Variants in IGF2R observed in about 807,000 individuals in gnomAD.
IGF2R encodes insulin like growth factor 2 receptor.
A neutral mutation model predicts 270.6 loss-of-function variants in IGF2R; 91 were observed. The observed-to-expected ratio is 0.34, with a 90% CI of 0.28 to 0.40. The LOEUF (loss-of-function observed/expected upper bound fraction) is 0.40, where lower values mean the gene tolerates loss of function less well. IGF2R is among the 10% of genes least tolerant of loss of function. IGF2R has a pLI of 1.00. For missense variants in IGF2R, 2,805 were observed against 3,188.3 expected (o/e 0.88, Z 2.90); for synonymous variants, 1,316 against 1,258.9 (o/e 1.05, Z -0.96).
intron 4 of IGF2R, among the ~76,000 whole-genome samples, chr6:160,023,410 C>G (rs1583265352): frequency 6.6e-6 from 1 of 152,156 alleles, no homozygotes; most frequent in Middle Eastern, 3.4e-3. Flanking sequence ...AAATCAAAGG[C>G]TCATTTTAAA....
chr6:160,029,445 C>A, intron 6 of IGF2R, 105 bp from the exon 7 acceptor site: 1 of 641,380 alleles, frequency 1.6e-6, no homozygotes, highest in South Asian at 1.8e-5. Flanking sequence ...CTTCTGTTAC[C>A]CTCTCCTCCC....
intron 2 of IGF2R, among the ~76,000 whole-genome samples, chr6:160,001,754 A>G (rs748925183): frequency 6.6e-6 from 1 of 152,260 alleles, no homozygotes; most frequent in African/African-American, 2.4e-5. Flanking sequence ...TAGGCAAACA[A>G]TATTACATAT....
At chr6:159,999,734 T>C (rs1784100897) in intron 2 of IGF2R, among the ~76,000 whole-genome samples, 1 of 152,214 alleles carries the variant, frequency 6.6e-6, no homozygotes, top group South Asian at 2.1e-4. Context: ...AAATTGGGTG[T>C]AAGTAGCTAT....
chr6:159,978,330 T>G (rs1440018600), intron 1 of IGF2R, among the ~76,000 whole-genome samples: 2 of 152,136 alleles, frequency 1.3e-5, no homozygotes, highest in Non-Finnish European at 2.9e-5. Context: ...AATGAGGAGC[T>G]TGATAATTCG....
rs151070125 is a variant in IGF2R, at chr6:160,063,431, G to A, written c.3687G>A (p.Val1229=). 4.8e-4 allele frequency: 770 copies of A among 1,612,378 alleles called. No homozygotes were observed. The highest frequency in any genetic ancestry group is 6.1e-4 in the Non-Finnish European group (722 of 1,179,898). The part of the protein sequence containing the change: ...VVRVEGDNCE[V]KDPRHGNLYD... ...TTCTTGAAGGGGACAACTGTGAGGTGAAAGACCCAAGGCATGGCAACTTGT... is the reference window on the plus strand; with the variant it reads ...TTCTTGAAGGGGACAACTGTGAGGTAAAAGACCCAAGGCATGGCAACTTGT... The change falls in exon 27 of 48, where the codon GTG becomes GTA. Residue 1229 remains valine, a synonymous_variant. Coordinates refer to ENST00000356956, the MANE Select transcript of IGF2R (RefSeq NM_000876.4).
rs1465567643 is a variant in IGF2R, at chr6:160,085,039, G to C, written c.6113G>C (p.Gly2038Ala). The C allele has an allele frequency of 1.2e-6, 2 of 1,614,052 alleles. No individual in the cohort carries two copies. The highest frequency in any genetic ancestry group is 3.3e-5 in the Admixed American group (2 of 60,028). ...CAGAAAATATATAAAGGGCCCCTGG[G>C]CTGCTCTGAAAGGGCCAGCATTTGC... ...LCQKIYKGPL[G>A]CSERASICRR... Residue 2038 changes from glycine to alanine, a missense_variant, in exon 41 of 48, where the codon GGC (glycine) becomes GCC (alanine). By Grantham distance (60) the Gly-to-Ala change is moderately conservative. This residue lies in a region of IGF2R where 1,851 missense variants were observed against 2,207.2 expected (regional missense o/e 0.84). Transcript: ENST00000356956.
At position 160,010,695 on chromosome 6, in the gene IGF2R, T is replaced by A. The variant is rs752512454; in HGVS notation, c.423T>A (p.Pro141=). The stretch of plus-strand genomic sequence containing the variant: ...CTATTTTTTTTTAATAGGGAACTCC[T>A]GAATTTGTAACTGCAACAGAATGTG... ...AFLCGKTLGT[P]EFVTATECVH... is the part of the protein sequence containing the mutation. The change falls in exon 4 of 48, where the codon CCT becomes CCA. Residue 141 remains proline (P), a synonymous_variant. Coordinates refer to ENST00000356956, the MANE Select transcript of IGF2R (RefSeq NM_000876.4). 3 of 1,592,958 alleles carry A rather than the reference T, an allele frequency of 1.9e-6. No individual in the cohort carries two copies. The highest frequency in any genetic ancestry group is 2.6e-6 in the Non-Finnish European group (3 of 1,161,092).
intron 29 of IGF2R, among the ~76,000 whole-genome samples, chr6:160,065,988 C>T (rs943563735): frequency 1.4e-5 from 2 of 146,688 alleles, no homozygotes; most frequent in African/African-American, 2.5e-5. Context: ...ACAGACACCA[C>T]CATGCCTGGC....
chr6:159,993,985 AT>A (rs59369382), intron 2 of IGF2R, among the ~76,000 whole-genome samples: 619 of 61,002 alleles, frequency 0.01, 6 homozygotes, highest in African/African-American at 0.032. Flanking sequence ...CTCCAACTTG[AT>A]TTTTTTTTTT....
intron 1 of IGF2R, among the ~76,000 whole-genome samples, chr6:159,989,151 T>A (rs1332582749): frequency 6.6e-6 from 1 of 152,190 alleles, no homozygotes; most frequent in Non-Finnish European, 1.5e-5. Context: ...CTTCCAAGTC[T>A]CCATGCTTTT....
intron 2 of IGF2R, among the ~76,000 whole-genome samples, chr6:160,002,969 C>G (rs889746547): frequency 6.6e-6 from 1 of 152,066 alleles, no homozygotes; most frequent in Non-Finnish European, 1.5e-5. Context: ...TGTTACCAGC[C>G]CATTTAACTT....
chr6:160,055,988 C>T (rs1004426332), intron 19 of IGF2R, among the ~76,000 whole-genome samples: 2 of 152,180 alleles, frequency 1.3e-5, no homozygotes, highest in Non-Finnish European at 2.9e-5. Flanking sequence ...CCCTCCTGTG[C>T]CCTCTTCCTG....
chr6:160,091,017 T>C lies in IGF2R; in HGVS notation c.6655+914T>C, dbSNP rs1335878684. On this transcript the variant is annotated intron_variant, in intron 44 of 47. Transcript: ENST00000356956. ...TCGCTGAGAAGGAGCGGGTGCTCTG[T>C]GCCCTGGTGCTGAGCGCATCGCTGA... 2.1e-5 allele frequency among the ~76,000 whole-genome samples: 3 copies of C among 145,214 alleles called. No individual in the cohort carries two copies. In the East Asian group the frequency reaches 6.3e-4, roughly 30 times the overall value.
intron 4 of IGF2R, among the ~76,000 whole-genome samples, chr6:160,012,775 T>TTTG (rs1554238625): frequency 1.6e-4 from 20 of 127,962 alleles, no homozygotes; most frequent in African/African-American, 4.9e-4. Context: ...TTTTTTTTTT[T>TTTG]TTTGTTTGTT....
intron 46 of IGF2R, among the ~76,000 whole-genome samples, chr6:160,103,287 C>T (rs867569735): frequency 6.6e-6 from 1 of 151,136 alleles, no homozygotes; most frequent in South Asian, 2.1e-4. Context: ...CACCACTGCA[C>T]TCTAGCCTGG....
chr6:160,073,686 T>C, intron 34 of IGF2R, 71 bp from the exon 35 acceptor site: 1 of 1,308,232 alleles, frequency 7.6e-7, no homozygotes, highest in Non-Finnish European at 1.1e-6. Context: ...GCTTTTAAAT[T>C]CTTATGGATG....
At chr6:160,062,462 G>A (rs980016992) in intron 25 of IGF2R, 70 bp from the exon 26 acceptor site, 11 of 1,220,738 alleles carry the variant, frequency 9.0e-6, no homozygotes, top group South Asian at 3.6e-5. Context: ...GTGAGCCACC[G>A]TGCCCGGCCC....
intron 44 of IGF2R, chr6:160,093,505 C>G (rs1309254470): frequency 1.9e-5 from 11 of 565,764 alleles, no homozygotes; most frequent in Non-Finnish European, 3.3e-5. Flanking sequence ...AGTCAAATCA[C>G]ACGTCTGTAC....
chr6:160,019,279 A>T (rs1193175241), intron 4 of IGF2R, among the ~76,000 whole-genome samples: 1 of 152,180 alleles, frequency 6.6e-6, no homozygotes, highest in African/African-American at 2.4e-5. Context: ...AAGTATTGGG[A>T]TTGAATCAGT....
Sources: gnomAD v4.1 joint callset for allele counts (sites outside exome capture counted in the v4.1 genomes callset) on GRCh38, gnomAD v4.1.1 for gene constraint, gnomAD v4.1.1 regional missense constraint, MANE v1.5 for transcripts, NCBI Gene and HGNC (gene_info 2026-07-23, HGNC 2026-07-21) for gene names.